NKAIN2: variants seen among roughly 807,000 people sequenced by gnomAD.
NKAIN2 encodes the protein sodium/potassium transporting ATPase interacting 2, also known as sodium/potassium-transporting ATPase subunit beta-1-interacting protein 2.
In NKAIN2, 14 loss-of-function variants were observed where a neutral mutation model predicts 32.6. That is an observed-to-expected ratio of 0.43 (90% CI 0.28 to 0.67). The LOEUF (loss-of-function observed/expected upper bound fraction) is 0.67. Among genes scored for constraint, NKAIN2 ranks in the 30% least tolerant of loss-of-function variants. The pLI is 0.17. For missense variants in NKAIN2, 198 were observed against 258.3 expected (o/e 0.77, Z 1.60); for synonymous variants, 80 against 87.2 (o/e 0.92, Z 0.46).
At chr6:124,635,476 A>T (rs1412429852) in intron 3 of NKAIN2, among the ~76,000 whole-genome samples, 3 of 152,086 alleles carry the variant, frequency 2.0e-5, no homozygotes, top group African/African-American at 7.2e-5. Flanking sequence ...ACCTATTAAT[A>T]ACAACCTTGA....
At chr6:124,193,601 T>C (rs1236510730) in intron 1 of NKAIN2, among the ~76,000 whole-genome samples, 7 of 152,220 alleles carry the variant, frequency 4.6e-5, no homozygotes, top group African/African-American at 1.7e-4. Context: ...ACCCGCAACA[T>C]TGTGAGCAAG....
At chr6:124,531,615 T>C (rs1779528143) in intron 3 of NKAIN2, among the ~76,000 whole-genome samples, 1 of 152,194 alleles carries the variant, frequency 6.6e-6, no homozygotes, top group African/African-American at 2.4e-5. Context: ...GAATTTGAGC[T>C]CACTTTGAAC....
chr6:124,426,311 C>T (rs1193436877), intron 3 of NKAIN2, among the ~76,000 whole-genome samples: 1 of 152,010 alleles, frequency 6.6e-6, no homozygotes, highest in Non-Finnish European at 1.5e-5. Flanking sequence ...AAAACATGAT[C>T]CACACTTAAA....
intron 3 of NKAIN2, among the ~76,000 whole-genome samples, chr6:124,511,348 G>A (rs1330059382): frequency 1.3e-5 from 2 of 152,206 alleles, no homozygotes; most frequent in Non-Finnish European, 2.9e-5. Flanking sequence ...GAGGAGTTCT[G>A]AGAGCTGATT....
At chr6:124,408,590 G>T (rs1459594661) in intron 3 of NKAIN2, among the ~76,000 whole-genome samples, 2 of 152,148 alleles carry the variant, frequency 1.3e-5, no homozygotes, top group Admixed American at 6.6e-5. Context: ...TGCTGTTTTG[G>T]TTACTGTAGC....
chr6:123,981,920 G>A (rs1480584457), intron 1 of NKAIN2, among the ~76,000 whole-genome samples: 1 of 152,134 alleles, frequency 6.6e-6, no homozygotes. Context: ...TAATGAACTG[G>A]CCAGTATCAG....
chr6:124,245,346 AATAATATTTGGCAATTTATGCCAATTCC>A (rs1318974235), intron 1 of NKAIN2, among the ~76,000 whole-genome samples: 1 of 152,124 alleles, frequency 6.6e-6, no homozygotes, highest in Non-Finnish European at 1.5e-5. Context: ...CTCTGGGAGA[AATAATATTTGGCAATTTATGCCAATTCC>A]ATAATTTTAG....
intron 1 of NKAIN2, among the ~76,000 whole-genome samples, chr6:124,098,017 AT>A (rs76320275): frequency 6.6e-6 from 1 of 151,950 alleles, no homozygotes; most frequent in Admixed American, 6.6e-5. Context: ...GTGATGAATG[AT>A]TTTTTTTGGT....
At chr6:124,439,030 C>T (rs1775579934) in intron 3 of NKAIN2, among the ~76,000 whole-genome samples, 2 of 152,072 alleles carry the variant, frequency 1.3e-5, no homozygotes, top group Non-Finnish European at 2.9e-5. Flanking sequence ...AAGTGGTTCC[C>T]AAAACTGTAT....
chr6:124,540,784 A>T (rs528759842), intron 3 of NKAIN2, among the ~76,000 whole-genome samples: 104 of 152,336 alleles, frequency 6.8e-4, no homozygotes, highest in African/African-American at 2.4e-3. Flanking sequence ...AATATTTAAT[A>T]AATTACATGA....
intron 1 of NKAIN2, among the ~76,000 whole-genome samples, chr6:123,901,852 A>C (rs1030980214): frequency 6.6e-6 from 1 of 152,100 alleles, no homozygotes; most frequent in Admixed American, 6.5e-5. Flanking sequence ...TATAGCTTAA[A>C]TTGATCTTTA....
chr6:124,130,914 T>G (rs1786440886), intron 1 of NKAIN2, among the ~76,000 whole-genome samples: 1 of 152,162 alleles, frequency 6.6e-6, no homozygotes, highest in Non-Finnish European at 1.5e-5. Flanking sequence ...AAAACCAAAC[T>G]GCTCATTCAG....
intron 1 of NKAIN2, among the ~76,000 whole-genome samples, chr6:124,092,020 T>G (rs1221790377): frequency 1.3e-5 from 2 of 152,092 alleles, no homozygotes; most frequent in East Asian, 3.8e-4. Flanking sequence ...TTGCTAACCT[T>G]AAGTTTCATT....
chr6:124,478,247 A>C (rs1354478348), intron 3 of NKAIN2, among the ~76,000 whole-genome samples: 1 of 152,204 alleles, frequency 6.6e-6, no homozygotes, highest in Non-Finnish European at 1.5e-5. Flanking sequence ...ATTTATCTTA[A>C]TATTAGTTGC....
intron 3 of NKAIN2, among the ~76,000 whole-genome samples, chr6:124,570,122 G>A (rs11969291): frequency 0.067 from 10,258 of 152,208 alleles, 359 homozygotes; most frequent in Non-Finnish European, 0.076. Context: ...ACATGAGAGC[G>A]TTGATTTAGG....
intron 5 of NKAIN2, among the ~76,000 whole-genome samples, chr6:124,794,560 G>A (rs764598432): frequency 9.2e-5 from 14 of 152,138 alleles, no homozygotes; most frequent in Non-Finnish European, 2.1e-4. Flanking sequence ...TCAAAGACAC[G>A]TTTTATCATG....
At chr6:123,905,230 C>T (rs797006906) in intron 1 of NKAIN2, among the ~76,000 whole-genome samples, 8 of 152,046 alleles carry the variant, frequency 5.3e-5, no homozygotes, top group African/African-American at 1.9e-4. Context: ...TTCATTACAG[C>T]ACAGCAAGCA....
At chr6:123,822,120 T>C (rs1244481892) in intron 1 of NKAIN2, among the ~76,000 whole-genome samples, 4 of 152,150 alleles carry the variant, frequency 2.6e-5, no homozygotes, top group African/African-American at 9.7e-5. Flanking sequence ...AATTTGAACT[T>C]TGTTGTCACG....
intron 1 of NKAIN2, among the ~76,000 whole-genome samples, chr6:123,866,069 A>G (rs992260753): frequency 2.6e-5 from 4 of 152,220 alleles, no homozygotes; most frequent in African/African-American, 7.2e-5. Context: ...AGTATAAACC[A>G]TAATGTGATT....
Sources: allele counts gnomAD v4.1 joint callset (sites outside exome capture counted in the v4.1 genomes callset), GRCh38; gene constraint gnomAD v4.1.1; transcripts MANE v1.5; gene names NCBI Gene and HGNC (gene_info 2026-07-23, HGNC 2026-07-21).